PSME4: variants seen among roughly 807,000 people sequenced by gnomAD.
PSME4 encodes the protein proteasome activator subunit 4.
In PSME4, 89 loss-of-function variants were observed where a neutral mutation model predicts 253.9. The observed-to-expected ratio is 0.35, with a 90% CI of 0.30 to 0.42. The LOEUF (loss-of-function observed/expected upper bound fraction) is 0.42, where lower values mean the gene tolerates loss of function less well. Ranked by LOEUF, PSME4 falls within the 10% of genes least tolerant of loss-of-function variation. The pLI, the probability that PSME4 is intolerant of heterozygous loss-of-function variation, is 1.00. For missense variants in PSME4, 2,014 were observed against 2,195.2 expected, an observed-to-expected ratio of 0.92 and a Z score of 1.65; for synonymous variants, 851 against 759.2, an observed-to-expected ratio of 1.12 and a Z score of -1.99.
intron 1 of PSME4, among the ~76,000 whole-genome samples, chr2:53,957,860 T>G (rs904893550): frequency 1.3e-5 from 2 of 152,172 alleles, no homozygotes; most frequent in Non-Finnish European, 2.9e-5. Flanking sequence ...GGTAACAAAA[T>G]ATTGTGTGAG....
Position 53,920,901 on chromosome 2 carries a change from G to A in PSME4, c.2250C>T (p.Tyr750=), listed in dbSNP as rs1668284324. 1 of 1,601,178 alleles carries A rather than the reference G, an allele frequency of 6.2e-7. No individual in the cohort carries two copies. Among genetic ancestry groups the A allele is most frequent in the South Asian group, 1.1e-5 (1 of 90,740 alleles). ...TGAAAATGCTTGCCTTGATAGGAAA[G>A]TATTCAGAAGGAGGCTTGTCAAAGC... ...PGGFDKPPSE[Y]FPIKDWGKPG... The change falls in exon 18 of 47, where the codon TAC becomes TAT. Residue 750 remains tyrosine, a synonymous_variant. Coordinates refer to ENST00000404125, the MANE Select transcript of PSME4 (RefSeq NM_014614.3).
At chr2:53,927,775 T>C (rs1288677993) in intron 11 of PSME4, among the ~76,000 whole-genome samples, 3 of 152,022 alleles carry the variant, frequency 2.0e-5, no homozygotes, top group East Asian at 1.9e-4. Context: ...GGTGAAACCC[T>C]GTCTCTACTA....
chr2:53,970,818 C>G lies in PSME4; in HGVS notation c.-34G>C, dbSNP rs1671047185. ...GGACACCCCCCCCACCCCCTCCCAC[C>G]CGAACCCTCCCCGGCCCCCACCCCT... On this transcript the variant is annotated 5_prime_UTR_variant, in exon 1 of 47. Transcript: ENST00000404125. The G allele has an allele frequency of 1.4e-6, 2 of 1,454,550 alleles. No individual in the cohort carries two copies. Among genetic ancestry groups the G allele is most frequent in the Non-Finnish European group, 1.8e-6 (2 of 1,099,502 alleles). The allele number at this position is 1,454,550 out of a possible 1,614,324, so 90.1% of individuals were successfully genotyped here.
chr2:53,895,341 G>C (rs997390062), intron 33 of PSME4, among the ~76,000 whole-genome samples: 1 of 152,104 alleles, frequency 6.6e-6, no homozygotes, highest in African/African-American at 2.4e-5. Flanking sequence ...ATATAATTTA[G>C]AGCAGCTATT....
At chr2:53,940,952 C>CATATATATATATATAT (rs1169212491) in intron 3 of PSME4, among the ~76,000 whole-genome samples, 1 of 24,020 alleles carries the variant, frequency 4.2e-5, no homozygotes, top group Non-Finnish European at 7.2e-5. Flanking sequence ...TATATATATA[C>CATATATATATATATAT]ATATATATAT....
intron 4 of PSME4, among the ~76,000 whole-genome samples, chr2:53,939,350 T>C (rs772347714): frequency 1.7e-4 from 26 of 152,080 alleles, no homozygotes; most frequent in Non-Finnish European, 2.5e-4. Context: ...GTACGTAAAA[T>C]TGAGCTTTAA....
At chr2:53,873,842 T>C (rs1012861702) in intron 43 of PSME4, among the ~76,000 whole-genome samples, 5 of 152,224 alleles carry the variant, frequency 3.3e-5, no homozygotes, top group African/African-American at 1.2e-4. Context: ...AGGAGTATTA[T>C]TTGCCCAACT....
At chr2:53,958,762 C>T (rs1435052444) in intron 1 of PSME4, among the ~76,000 whole-genome samples, 1 of 142,920 alleles carries the variant, frequency 7.0e-6, no homozygotes, top group African/African-American at 2.6e-5. Context: ...ACATCTGAAA[C>T]AACTTAAAAA....
intron 1 of PSME4, among the ~76,000 whole-genome samples, chr2:53,954,579 T>C (rs1670149442): frequency 1.3e-5 from 2 of 151,602 alleles, no homozygotes; most frequent in South Asian, 4.2e-4. Flanking sequence ...TGAGTCACAC[T>C]TGTAGTCCCA....
At position 53,908,406 on chromosome 2, in the gene PSME4, G is replaced by C. The variant is rs1383447509; in HGVS notation, c.2698C>G (p.Leu900Val). ...TTGTGAGATCCTTGGAATTGTAAAAGGTCTCCAATAATCTGTGTCAAAGAA... is the reference window on the plus strand; with the variant it reads ...TTGTGAGATCCTTGGAATTGTAAAACGTCTCCAATAATCTGTGTCAAAGAA... ...LFLIIKIIGD[L>V]LQFQGSHKHE... Residue 900 changes from leucine to valine, a missense_variant, in exon 24 of 47, where the codon CTT becomes GTT. Leu to Val is a conservative substitution (Grantham distance 32). Coordinates refer to ENST00000404125, the MANE Select transcript of PSME4 (RefSeq NM_014614.3). The C allele has an allele frequency of 7.4e-6, 12 of 1,612,928 alleles. No homozygotes were observed. Among genetic ancestry groups the C allele is most frequent in the African/African-American group, 1.3e-5 (1 of 74,874 alleles).
At chr2:53,925,809 T>C in intron 13 of PSME4, 120 bp from the exon 14 acceptor site, 1 of 1,264,784 alleles carries the variant, frequency 7.9e-7, no homozygotes. Context: ...AATTTCTACG[T>C]GGTTCACAAA....
chr2:53,876,466 A>G (rs1679124555), intron 41 of PSME4, among the ~76,000 whole-genome samples: 2 of 152,254 alleles, frequency 1.3e-5, no homozygotes, highest in Middle Eastern at 3.4e-3. Flanking sequence ...TGGGCACAAC[A>G]TAAGTGGTGC....
At chr2:53,903,793 A>G (rs1043890951) in intron 27 of PSME4, among the ~76,000 whole-genome samples, 1 of 152,236 alleles carries the variant, frequency 6.6e-6, no homozygotes, top group African/African-American at 2.4e-5. Context: ...GAGTCTCCTC[A>G]TATTAGTATG....
At chr2:53,902,278 T>A (rs553225185) in intron 27 of PSME4, among the ~76,000 whole-genome samples, 39 of 152,316 alleles carry the variant, frequency 2.6e-4, no homozygotes, top group African/African-American at 8.4e-4. Flanking sequence ...GCTGAGTAAT[T>A]TACAAAGTAC....
At chr2:53,954,946 G>A (rs1165366133) in intron 1 of PSME4, among the ~76,000 whole-genome samples, 2 of 152,064 alleles carry the variant, frequency 1.3e-5, no homozygotes, top group Non-Finnish European at 2.9e-5. Context: ...CTGGGAAGTT[G>A]AGGAGGAAAG....
intron 35 of PSME4, 139 bp from the exon 36 acceptor site, chr2:53,893,099 G>T: frequency 1.6e-6 from 1 of 612,458 alleles, no homozygotes; most frequent in South Asian, 3.9e-5. Flanking sequence ...TAACAATTGC[G>T]GTAAGTTAAA....
At chr2:53,928,357 C>A in intron 10 of PSME4, 54 bp from the exon 11 acceptor site, 1 of 1,332,482 alleles carries the variant, frequency 7.5e-7, no homozygotes, top group Non-Finnish European at 1.0e-6. Flanking sequence ...TGCATAATAC[C>A]ATAATACATT....
chr2:53,892,721 A>T (rs754923996), intron 36 of PSME4, 87 bp downstream of exon 36: 7 of 1,191,588 alleles, frequency 5.9e-6, no homozygotes, highest in Non-Finnish European at 8.2e-6. Context: ...TATTTTAATT[A>T]TCAGTATCTA....
intron 3 of PSME4, 59 bp downstream of exon 3, chr2:53,948,362 T>C (rs1669822665): frequency 1.0e-6 from 1 of 988,774 alleles, no homozygotes; most frequent in Non-Finnish European, 1.6e-6. Context: ...TCAATCATGA[T>C]CACCCCCCTA....
Sources: gnomAD v4.1 joint callset for allele counts (sites outside exome capture counted in the v4.1 genomes callset) on GRCh38, gnomAD v4.1.1 for gene constraint, MANE v1.5 for transcripts, NCBI Gene and HGNC (gene_info 2026-07-23, HGNC 2026-07-21) for gene names.